The following GRB10 variants were observed in gnomAD, a reference collection of about 807,000 sequenced individuals.
The protein encoded by GRB10 is growth factor receptor-bound protein 10.
Under a neutral mutation model 80.9 loss-of-function variants are expected in GRB10, and 20 were observed. That is an observed-to-expected ratio of 0.25 (90% CI 0.17 to 0.36). The LOEUF (loss-of-function observed/expected upper bound fraction) is 0.36. GRB10 is among the 10% of genes least tolerant of loss of function. The pLI is 1.00. For synonymous variants in GRB10, 291 were observed against 291.5 expected (o/e 1.00, Z 0.02); for missense variants, 548 against 747.7 (o/e 0.73, Z 3.12).
intron 17 of GRB10, among the ~76,000 whole-genome samples, chr7:50,603,114 AG>A (rs1165468436): frequency 6.6e-6 from 1 of 152,240 alleles, no homozygotes; most frequent in Non-Finnish European, 1.5e-5. Context: ...AGCAGCTTCC[AG>A]GAACCTGTAT....
At chr7:50,755,808 G>A (rs2074989784) in intron 3 of GRB10, 79 bp downstream of exon 3, 1 of 398,364 alleles carries the variant, frequency 2.5e-6, no homozygotes, top group East Asian at 3.6e-5. Context: ...CGCATTCACT[G>A]ACCACCTTAA....
chr7:50,635,905 A>T lies in GRB10; in HGVS notation c.505-8927T>A, dbSNP rs189363473. Reference sequence around the variant, plus strand: ...AGTAATTATAAAAATCTTCCAATAAAAAAAAAAAAAAGCCCAGGACCAGAT... The same window carrying T: ...AGTAATTATAAAAATCTTCCAATAATAAAAAAAAAAAGCCCAGGACCAGAT... On this transcript the variant is annotated intron_variant, in intron 7 of 18. Transcript: ENST00000401949. 1.6e-3 allele frequency among the ~76,000 whole-genome samples: 228 copies of T among 145,218 alleles called. 3 individuals are homozygous for T. Among genetic ancestry groups the T allele is most frequent in the African/African-American group, 5.4e-3 (206 of 38,428 alleles).
intron 3 of GRB10, among the ~76,000 whole-genome samples, chr7:50,749,257 T>C (rs1323793172): frequency 6.6e-6 from 1 of 151,624 alleles, no homozygotes; most frequent in African/African-American, 2.4e-5. Context: ...GCCTCCAGAG[T>C]AGCTGGGATT....
chr7:50,654,235 C>T (rs1355391013), intron 7 of GRB10, among the ~76,000 whole-genome samples: 1 of 152,210 alleles, frequency 6.6e-6, no homozygotes, highest in Non-Finnish European at 1.5e-5. Context: ...CCTAGGGCAC[C>T]ACGGGGTCCC....
At chr7:50,721,758 G>A (rs2067787142) in intron 4 of GRB10, among the ~76,000 whole-genome samples, 1 of 152,162 alleles carries the variant, frequency 6.6e-6, no homozygotes, top group South Asian at 2.1e-4. Context: ...GCAGAATCTG[G>A]GGTGGCTGAG....
At chr7:50,598,746 A>G (rs570933432) in intron 17 of GRB10, among the ~76,000 whole-genome samples, 1 of 152,356 alleles carries the variant, frequency 6.6e-6, no homozygotes, top group Non-Finnish European at 1.5e-5. Context: ...CAAGGGTGCT[A>G]TGTGAGTCCT....
intron 7 of GRB10, among the ~76,000 whole-genome samples, chr7:50,635,963 T>C (rs13237744): frequency 1.5e-4 from 2 of 13,616 alleles, no homozygotes; most frequent in African/African-American, 1.1e-3. Context: ...TTTCCTTTCC[T>C]TTTTTTTTTT....
At chr7:50,680,945 C>T (rs74468464) in intron 5 of GRB10, among the ~76,000 whole-genome samples, 64 of 152,202 alleles carry the variant, frequency 4.2e-4, no homozygotes, top group African/African-American at 1.5e-3. Context: ...CAAGAAGATC[C>T]CAATATGACT....
rs554793406 is a variant in GRB10, at chr7:50,682,280, T to A, written c.140-7622A>T. Among the ~76,000 whole-genome samples the A allele has an allele frequency of 5.3e-5, 8 of 152,338 alleles. No individual in the cohort carries two copies. In the South Asian group the frequency reaches 1.4e-3, roughly 28 times the overall value. ...GAGTCACTCCAGTGAGGAAGAGAGTTTGGCAGGTGGCAGCCTGCCTTGGCA... is the reference window on the plus strand; with the variant it reads ...GAGTCACTCCAGTGAGGAAGAGAGTATGGCAGGTGGCAGCCTGCCTTGGCA... On this transcript the variant is annotated intron_variant, in intron 5 of 18. Coordinates refer to ENST00000401949, the MANE Select transcript of GRB10 (RefSeq NM_001350814.2).
intron 12 of GRB10, among the ~76,000 whole-genome samples, 175 bp from the exon 13 acceptor site, chr7:50,613,014 C>T (rs2049864175): frequency 6.6e-6 from 1 of 152,196 alleles, no homozygotes; most frequent in African/African-American, 2.4e-5. Flanking sequence ...ATCCACCTTC[C>T]TGACAAGACT....
intron 3 of GRB10, among the ~76,000 whole-genome samples, chr7:50,733,451 A>C (rs1353101444): frequency 6.6e-6 from 1 of 152,232 alleles, no homozygotes; most frequent in Non-Finnish European, 1.5e-5. Context: ...GAAGCATCCC[A>C]GATCTGTAAA....
chr7:50,616,655 T>C (rs2050697766), intron 10 of GRB10, among the ~76,000 whole-genome samples: 1 of 152,170 alleles, frequency 6.6e-6, no homozygotes, highest in Admixed American at 6.5e-5. Flanking sequence ...CAAGAGCAAG[T>C]GCCATGACCA....
At chr7:50,757,540 T>C (rs1012566725) in intron 2 of GRB10, among the ~76,000 whole-genome samples, 7 of 152,242 alleles carry the variant, frequency 4.6e-5, no homozygotes, top group African/African-American at 1.7e-4. Flanking sequence ...AAGTTGAACA[T>C]CACCTGCCTA....
chr7:50,771,492 T>C (rs2076974556), intron 2 of GRB10, among the ~76,000 whole-genome samples: 1 of 152,192 alleles, frequency 6.6e-6, no homozygotes, highest in Non-Finnish European at 1.5e-5. Flanking sequence ...ATATGTCCAG[T>C]ATTTCCAGTT....
intron 5 of GRB10, among the ~76,000 whole-genome samples, chr7:50,682,229 C>T (rs2061620665): frequency 6.6e-6 from 1 of 152,210 alleles, no homozygotes; most frequent in Admixed American, 6.5e-5. Context: ...TTTAGGAGCC[C>T]CTGACCCCTT....
At chr7:50,611,280 T>C (rs1004544498) in intron 13 of GRB10, among the ~76,000 whole-genome samples, 2 of 152,350 alleles carry the variant, frequency 1.3e-5, no homozygotes, top group Middle Eastern at 3.4e-3. Flanking sequence ...GTTAGTAATT[T>C]TTCCGCAACA....
intron 7 of GRB10, among the ~76,000 whole-genome samples, chr7:50,659,231 G>A (rs1202247011): frequency 6.6e-6 from 1 of 152,184 alleles, no homozygotes; most frequent in Admixed American, 6.5e-5. Context: ...GATAGACGAT[G>A]CCAAATTTCC....
chr7:50,627,017 T>A, intron 7 of GRB10, 39 bp from the exon 8 acceptor site: 2 of 1,606,194 alleles, frequency 1.2e-6, no homozygotes, highest in Non-Finnish European at 1.7e-6. Context: ...ATAAACAACT[T>A]CGGGCTTTCA....
intron 7 of GRB10, among the ~76,000 whole-genome samples, chr7:50,669,225 GAA>G (rs2060111969): frequency 6.6e-6 from 1 of 152,178 alleles, no homozygotes; most frequent in African/African-American, 2.4e-5. Flanking sequence ...GATCAATAAT[GAA>G]AAGAGGTTTA....
Sources: allele counts gnomAD v4.1 joint callset (sites outside exome capture counted in the v4.1 genomes callset), GRCh38; gene constraint gnomAD v4.1.1; transcripts MANE v1.5; gene names NCBI Gene and HGNC (gene_info 2026-07-23, HGNC 2026-07-21).